DOCK6: variants seen among roughly 807,000 people sequenced by gnomAD.
DOCK6 encodes dedicator of cytokinesis protein 6.
In DOCK6, 167 loss-of-function variants were observed where a neutral mutation model predicts 230.3. That is an observed-to-expected ratio of 0.73 (90% CI 0.64 to 0.82). The LOEUF (loss-of-function observed/expected upper bound fraction) is 0.82, where lower values mean the gene tolerates loss of function less well. DOCK6 is among the 40% of genes least tolerant of loss of function. The pLI is 0.00. For missense variants in DOCK6, 2,598 were observed against 2,825.8 expected (o/e 0.92, Z 1.83); for synonymous variants, 1,148 against 1,185.0 (o/e 0.97, Z 0.64).
Position 11,214,656 on chromosome 19 carries a change from G to C in DOCK6, c.4107-7C>G, listed in dbSNP as rs377101061. ...TTCCATTTCATCCTTGGTCCTGGAAGGGGAAAGGAGGTCTTGGGGGCCCAC... is the reference window on the plus strand; with the variant it reads ...TTCCATTTCATCCTTGGTCCTGGAACGGGAAAGGAGGTCTTGGGGGCCCAC... On this transcript the variant is annotated splice_region_variant and splice_polypyrimidine_tract_variant and intron_variant, in intron 32 of 47. Transcript: ENST00000294618. 3.7e-6 allele frequency: 6 copies of C among 1,613,000 alleles called. No individual in the cohort carries two copies. The African/African-American group carries it at 6.7e-5, about 18-fold the overall frequency.
chr19:11,241,377 G>A, intron 14 of DOCK6: 1 of 990,636 alleles, frequency 1.0e-6, no homozygotes, highest in Non-Finnish European at 1.6e-6. Flanking sequence ...ATGAGGGGCT[G>A]GGGCAGAGGG....
At chr19:11,224,083 A>G (rs996201279) in intron 24 of DOCK6, among the ~76,000 whole-genome samples, 1 of 152,164 alleles carries the variant, frequency 6.6e-6, no homozygotes, top group Non-Finnish European at 1.5e-5. Flanking sequence ...GAGACACAAA[A>G]TAAACAAGAA....
chr19:11,220,145 G>C (rs539097379), intron 28 of DOCK6, among the ~76,000 whole-genome samples: 5 of 152,034 alleles, frequency 3.3e-5, no homozygotes, highest in Non-Finnish European at 7.4e-5. Context: ...GGACAGACAG[G>C]GTTTTACCAT....
chr19:11,262,419 C>G lies in DOCK6; in HGVS notation c.22G>C (p.Ala8Pro). The G allele has an allele frequency of 1.6e-6, 2 of 1,265,710 alleles. No homozygotes were observed. The highest frequency in any genetic ancestry group is 2.0e-6 in the Non-Finnish European group (2 of 1,004,776). 78.4% of individuals were successfully genotyped at this position (1,265,710 alleles called of 1,614,324 possible). MAASERR[A>P]FAHKINRTVA... ...TACCTGTTGATCTTGTGCGCGAAGG[C>G]GCGGCGCTCGGAGGCAGCCATGGTC... The change falls in exon 1 of 48, where the codon GCC (alanine) becomes CCC (proline). Residue 8 changes from alanine to proline, a missense_variant. By Grantham distance (27) the Ala-to-Pro change is conservative. Transcript: ENST00000294618.
Position 11,209,693 on chromosome 19 carries a change from T to C in DOCK6, c.4752-590A>G, listed in dbSNP as rs1246724259. Among the ~76,000 whole-genome samples, 173 of 30,236 alleles carry C rather than the reference T, an allele frequency of 5.7e-3. 18 individuals are homozygous for C. The highest frequency in any genetic ancestry group is 0.012 in the African/African-American group (162 of 12,994). The allele number at this position is 30,236 out of a possible 152,430, so 19.8% of individuals were successfully genotyped here. On this transcript the variant is annotated intron_variant, in intron 37 of 47. Coordinates refer to ENST00000294618, the MANE Select transcript of DOCK6 (RefSeq NM_020812.4). ...TCACCTGTCCATCCCTTCACTTGTCTATCCCCTCACCTGTCCATCCCTTCA... is the reference window on the plus strand; with the variant it reads ...TCACCTGTCCATCCCTTCACTTGTCCATCCCCTCACCTGTCCATCCCTTCA...
chr19:11,254,937 G>C (rs1044294992), intron 1 of DOCK6, among the ~76,000 whole-genome samples: 1 of 152,190 alleles, frequency 6.6e-6, no homozygotes, highest in Non-Finnish European at 1.5e-5. Context: ...TGCTCCCTGG[G>C]GTCTCTGTGA....
chr19:11,262,189 C>A (rs1013269987), intron 1 of DOCK6, among the ~76,000 whole-genome samples: 1 of 152,014 alleles, frequency 6.6e-6, no homozygotes, highest in African/African-American at 2.4e-5. Flanking sequence ...CCAGCCCCGA[C>A]GCGACTCCCA....
rs1385856116 is a variant in DOCK6 at position 11,222,301 on chromosome 19, C to A, written c.3241-53G>T. On this transcript the variant is annotated intron_variant, in intron 26 of 47. Transcript: ENST00000294618. This position sits in a 1 kb window ranked among gnomAD's most constrained non-coding sequence, Gnocchi z 4.0. ...GCCAGCGGTCAAGGGTCAGAGGTGG[C>A]AGGTCACCATTAAAGCCATCTTGGA... 7 of 1,554,702 alleles carry A rather than the reference C, an allele frequency of 4.5e-6. No individual in the cohort carries two copies. Among genetic ancestry groups the A allele is most frequent in the Non-Finnish European group, 6.1e-6 (7 of 1,147,846 alleles).
At chr19:11,257,397 C>A (rs565029818) in intron 1 of DOCK6, among the ~76,000 whole-genome samples, 88 of 138,110 alleles carry the variant, frequency 6.4e-4, no homozygotes, top group African/African-American at 2.3e-3. Context: ...GAGGCCAAGG[C>A]GGGAGGATCG....
Position 11,204,225 on chromosome 19 carries a change from T to G in DOCK6, c.5195A>C (p.Glu1732Ala). 2 of 1,567,696 alleles carry G rather than the reference T, an allele frequency of 1.3e-6. No homozygotes were observed. Among genetic ancestry groups the G allele is most frequent in the African/African-American group, 1.4e-5 (1 of 73,776 alleles). Residue 1732 changes from glutamate to alanine, a missense_variant, in exon 40 of 48, where the codon GAG (glutamate) becomes GCG (alanine). Physicochemically the swap from Glu to Ala is moderately radical, Grantham distance 107. Coordinates refer to ENST00000294618, the MANE Select transcript of DOCK6 (RefSeq NM_020812.4). Reference protein sequence around the residue: ...KLAAVHGKLQEAFTKIMHQSS... With the variant: ...KLAAVHGKLQAAFTKIMHQSS... ...CTGGTGCATGATCTTGGTGAAGGCC[T>G]CCTGCAGTTTGCCGTGCACCGCGGC...
chr19:11,237,927 C>T, intron 16 of DOCK6, 118 bp downstream of exon 16: 1 of 1,427,310 alleles, frequency 7.0e-7, no homozygotes, highest in Non-Finnish European at 9.6e-7. Context: ...CTGGGAGCCT[C>T]TACCTCTCTT....
intron 13 of DOCK6, among the ~76,000 whole-genome samples, chr19:11,242,569 T>G (rs143049515): frequency 1.9e-3 from 287 of 151,942 alleles, no homozygotes; most frequent in African/African-American, 6.4e-3. Context: ...TTTTTGTATT[T>G]TTAGTAGAGA....
At chr19:11,217,987 G>A (rs2079521242) in intron 28 of DOCK6, among the ~76,000 whole-genome samples, 2 of 151,182 alleles carry the variant, frequency 1.3e-5, no homozygotes, top group South Asian at 2.1e-4. Context: ...GAGTAGCTGT[G>A]ATTACAGGCA....
chr19:11,222,950 C>G lies in DOCK6; in HGVS notation c.3069+43G>C, dbSNP rs1390976178. 4 of 1,613,344 alleles carry G rather than the reference C, an allele frequency of 2.5e-6. No homozygotes were observed. Among genetic ancestry groups the G allele is most frequent in the African/African-American group, 1.3e-5 (1 of 74,884 alleles). ...ATCAGTGATGTCAACATTGCTCCGCCTTCCATCCATGCCATGCCCACCCTG... is the reference window on the plus strand; with the variant it reads ...ATCAGTGATGTCAACATTGCTCCGCGTTCCATCCATGCCATGCCCACCCTG... On this transcript the variant is annotated intron_variant, in intron 25 of 47. Transcript: ENST00000294618. This position sits in a 1 kb window ranked among gnomAD's most constrained non-coding sequence, Gnocchi z 4.0.
rs948482518 is a variant in DOCK6, at chr19:11,253,692, G to A, written c.79C>T (p.Arg27Trp). 7 of 1,471,288 alleles carry A rather than the reference G, an allele frequency of 4.8e-6. No individual in the cohort carries two copies. In the Admixed American group the frequency reaches 9.2e-5, roughly 19 times the overall value. 91.1% of individuals were successfully genotyped at this position (1,471,288 alleles called of 1,614,324 possible). A position where few individuals can be genotyped will look rare whatever the true frequency, so the allele number is the denominator to read the frequency against. ...GAGTGGGGGGAGCCACTGCGTTCCC[G>A]GGACACCTGCTTCCGCACCTCTGCG... ...VAAEVRKQVS[R>W]ERSGSPHSSR... Residue 27 changes from arginine (R) to tryptophan (W), a missense_variant, in exon 2 of 48, where the codon CGG becomes TGG. Transcript: ENST00000294618.
intron 37 of DOCK6, among the ~76,000 whole-genome samples, chr19:11,211,190 T>C (rs2079378381): frequency 6.6e-6 from 1 of 151,408 alleles, no homozygotes; most frequent in Admixed American, 6.6e-5. Flanking sequence ...GACCCTCCGC[T>C]CTTGAGTTGA....
Position 11,236,518 on chromosome 19 carries a change from TG to T in DOCK6, c.2219del (p.Pro740HisfsTer9), listed in dbSNP as rs760412099. On this transcript the variant is annotated frameshift_variant, in exon 20 of 48. Transcript: ENST00000294618. LOFTEE classifies it high-confidence loss of function. The surrounding 1 kb of genome is among the most constrained non-coding windows in gnomAD (Gnocchi z 5.2). ...LVHVLEEGAF[P>X]FRLKDTVLSE... ...TCAGCACAGTGTCCTTGAGCCGGAA[TG>T]GGAAGGCTCCCTCCTCCAGGACGTG... 2.1e-5 allele frequency: 33 copies of T among 1,604,706 alleles called. No homozygotes were observed. The highest frequency in any genetic ancestry group is 2.8e-5 in the Non-Finnish European group (33 of 1,176,038).
chr19:11,253,702 C>T lies in DOCK6; in HGVS notation c.69G>A (p.Lys23=). The change falls in exon 2 of 48, where the codon AAG becomes AAA. Residue 23 remains lysine, a synonymous_variant. Transcript: ENST00000294618. ...INRTVAAEVR[K]QVSRERSGSP... The stretch of plus-strand genomic sequence containing the variant: ...AGCCACTGCGTTCCCGGGACACCTG[C>T]TTCCGCACCTCTGCGGCCACCGTCC... 20 of 1,471,606 alleles carry T rather than the reference C, an allele frequency of 1.4e-5. No individual in the cohort carries two copies. Among genetic ancestry groups the T allele is most frequent in the Non-Finnish European group, 1.8e-5 (20 of 1,119,028 alleles). 91.2% of individuals were successfully genotyped at this position (1,471,606 alleles called of 1,614,324 possible).
intron 14 of DOCK6, chr19:11,241,303 C>T: frequency 1.6e-6 from 1 of 615,452 alleles, no homozygotes; most frequent in East Asian, 2.8e-5. Flanking sequence ...ATTTTATCCC[C>T]ATTTTACAGA....
Sources: allele counts gnomAD v4.1 joint callset (sites outside exome capture counted in the v4.1 genomes callset), GRCh38; gene constraint gnomAD v4.1.1; non-coding constraint Gnocchi (gnomAD v3.1); transcripts MANE v1.5; gene names NCBI Gene and HGNC (gene_info 2026-07-23, HGNC 2026-07-21).